The following CLTRN variants were observed in gnomAD, a reference collection of about 807,000 sequenced individuals.
The protein encoded by CLTRN is collectrin, amino acid transport regulator.
In CLTRN, 12 loss-of-function variants were observed where a neutral mutation model predicts 14.5. That is an observed-to-expected ratio of 0.83 (90% CI 0.53 to 1.34). The LOEUF (loss-of-function observed/expected upper bound fraction) is 1.34, where lower values mean the gene tolerates loss of function less well. Among genes scored for constraint, CLTRN ranks in the 40% most tolerant of loss-of-function variants. The probability of loss-of-function intolerance (pLI) is 0.00; values close to 1 mark genes in which losing one functional copy is unlikely to be tolerated. For missense variants in CLTRN, 154 were observed against 165.1 expected (o/e 0.93, Z 0.37); for synonymous variants, 58 against 56.5 (o/e 1.03, Z -0.12).
rs1569251139 is a variant in CLTRN, at chrX:15,645,015, A to AGGACATG, written c.211_217dup (p.Leu73ProfsTer30). On this transcript the variant is annotated frameshift_variant, in exon 4 of 6. Transcript: ENST00000380342. LOFTEE classifies it high-confidence loss of function. Reference sequence around the variant, plus strand: ...TACCCTCTGGGTTACATTGCAAAGTAGGACATGGGAAATTCTGCAGACAGT... The same window carrying AGGACATG: ...TACCCTCTGGGTTACATTGCAAAGTAGGACATGGGACATGGGAAATTCTGCAGACAGT... 2 of 1,189,454 alleles carry AGGACATG rather than the reference A, an allele frequency of 1.7e-6. No individual in the cohort carries two copies. Among genetic ancestry groups the AGGACATG allele is most frequent in the Non-Finnish European group, 2.3e-6 (2 of 881,130 alleles).
chrX:15,661,656 G>A (rs953196806), intron 2 of CLTRN, among the ~76,000 whole-genome samples: 10 of 112,171 alleles, frequency 8.9e-5, no homozygotes, highest in Non-Finnish European at 1.7e-4. Flanking sequence ...CTAAACATTT[G>A]TATACTTTAT....
At position 15,645,037 on chromosome X, in the gene CLTRN, C is replaced by T. The variant is rs764396185; in HGVS notation, c.204-8G>A. The T allele has an allele frequency of 6.9e-5, 76 of 1,107,100 alleles. No homozygotes were observed. The Middle Eastern group carries it at 9.9e-4, about 14-fold the overall frequency. The allele number at this position is 1,107,100 out of a possible 1,213,427, so 91.2% of individuals were successfully genotyped here. A position where few individuals can be genotyped will look rare whatever the true frequency, so the allele number is the denominator to read the frequency against. On this transcript the variant is annotated splice_region_variant and splice_polypyrimidine_tract_variant and intron_variant, in intron 3 of 5. Transcript: ENST00000380342. ...AGTAGGACATGGGAAATTCTGCAGA[C>T]AGTGGAAAGAAAAAATACATGAGAA...
intron 1 of CLTRN, among the ~76,000 whole-genome samples, chrX:15,671,870 A>T (rs1191078283): frequency 1.1e-5 from 1 of 92,667 alleles, no homozygotes; most frequent in Admixed American, 1.3e-4. Flanking sequence ...ACACACACAC[A>T]CACACACACA....
At chrX:15,659,185 T>C (rs1427752075) in intron 2 of CLTRN, 84 bp from the exon 3 acceptor site, 8 of 419,305 alleles carry the variant, frequency 1.9e-5, no homozygotes, top group Non-Finnish European at 3.5e-5. Flanking sequence ...TCCCTCTCTC[T>C]CTCTCTCCAC....
intron 2 of CLTRN, among the ~76,000 whole-genome samples, chrX:15,660,135 G>C (rs771926328): frequency 9.0e-6 from 1 of 111,343 alleles, no homozygotes; most frequent in African/African-American, 3.3e-5. Flanking sequence ...TTTCACTCTG[G>C]GATGGGGAAA....
chrX:15,641,743 A>G (rs1464998531), intron 4 of CLTRN, among the ~76,000 whole-genome samples: 13 of 109,003 alleles, frequency 1.2e-4, no homozygotes, highest in Non-Finnish European at 2.3e-4. Flanking sequence ...TGTCTTTGAA[A>G]TTTGGCTTAT....
In CLTRN at chrX:15,659,037, A is replaced by G. The variant is rs774612873; in HGVS notation, c.182T>C (p.Val61Ala). The change falls in exon 3 of 6, where the codon GTT (valine) becomes GCT (alanine). Residue 61 changes from valine to alanine, a missense_variant. By Grantham distance (64) the Val-to-Ala change is moderately conservative. Transcript: ENST00000380342. ...KAMVAFSMRK[V>A]PNREATEISH... ...TTACTCTGTTGCTTCTCTGTTGGGA[A>G]CTTTTCTCATGGAGAAAGCTACCAT... 8.5e-7 allele frequency: 1 copy of G among 1,171,967 alleles called. No homozygotes were observed. The highest frequency in any genetic ancestry group is 1.8e-5 in the South Asian group (1 of 55,813).
chrX:15,662,813 G>A (rs1166573069), intron 2 of CLTRN, among the ~76,000 whole-genome samples: 1 of 111,016 alleles, frequency 9.0e-6, no homozygotes, highest in East Asian at 2.8e-4. Context: ...GCCTCTCAAC[G>A]GCATTTGATG....
chrX:15,643,310 A>G (rs114367388), intron 4 of CLTRN, among the ~76,000 whole-genome samples: 4,319 of 111,659 alleles, frequency 0.039, 202 homozygotes, highest in African/African-American at 0.12. Flanking sequence ...TTTGTTGTAT[A>G]GTTTCCTTTA....
intron 5 of CLTRN, among the ~76,000 whole-genome samples, chrX:15,635,712 A>G (rs997108729): frequency 4.5e-5 from 5 of 112,114 alleles, no homozygotes; most frequent in Non-Finnish European, 9.4e-5. Flanking sequence ...GCTCCATGAC[A>G]TTGGTCTGGG....
At chrX:15,669,702 G>A (rs1432556585), upstream of CLTRN, among the ~76,000 whole-genome samples, 4 of 111,939 alleles carry the variant, frequency 3.6e-5, no homozygotes, top group East Asian at 2.8e-4. Flanking sequence ...ATACGTGGGC[G>A]TATGTAGGCT....
intron 3 of CLTRN, chrX:15,646,252 C>T (rs778792431): frequency 5.4e-5 from 13 of 240,210 alleles, no homozygotes; most frequent in Non-Finnish European, 1.0e-4. Flanking sequence ...AGACCGTACC[C>T]GGCACATGGC....
chrX:15,659,138 T>C, intron 2 of CLTRN, 37 bp from the exon 3 acceptor site: 1 of 842,725 alleles, frequency 1.2e-6, no homozygotes, highest in Admixed American at 2.3e-5. Context: ...TGGGGGAAAA[T>C]ATGGTCCATT....
chrX:15,664,642 A>G, intron 1 of CLTRN, 76 bp downstream of exon 1: 1 of 970,129 alleles, frequency 1.0e-6, no homozygotes, highest in East Asian at 3.1e-5. Context: ...TAGAAAAATA[A>G]AGAGTTCTTT....
intron 2 of CLTRN, among the ~76,000 whole-genome samples, chrX:15,660,806 C>CCAACAACAAGAACAACAACAACAA (rs1929488637): frequency 9.9e-6 from 1 of 101,401 alleles, no homozygotes; most frequent in Admixed American, 1.1e-4. Context: ...GACCCTGTCT[C>CCAACAACAAGAACAACAACAACAA]CAACAACAAC....
intron 5 of CLTRN, among the ~76,000 whole-genome samples, chrX:15,629,788 C>T (rs1327432728): frequency 1.8e-5 from 2 of 111,476 alleles, no homozygotes; most frequent in African/African-American, 6.5e-5. Flanking sequence ...TAAAAGGACA[C>T]TTGTATTTTG....
chrX:15,667,470 G>C (rs111608093), upstream of CLTRN, among the ~76,000 whole-genome samples: 1 of 111,038 alleles, frequency 9.0e-6, no homozygotes, highest in Non-Finnish European at 1.9e-5. Flanking sequence ...TTTTCAAAAA[G>C]AGCAATAGAA....
chrX:15,652,583 G>A (rs893253164), intron 3 of CLTRN, among the ~76,000 whole-genome samples: 1 of 110,742 alleles, frequency 9.0e-6, no homozygotes, highest in African/African-American at 3.3e-5. Flanking sequence ...AAAGACACTG[G>A]AACACTCGGA....
chrX:15,661,292 G>C (rs1325714993), intron 2 of CLTRN, among the ~76,000 whole-genome samples: 1 of 112,218 alleles, frequency 8.9e-6, no homozygotes, highest in Non-Finnish European at 1.9e-5. Context: ...TTGCTTTTCA[G>C]ATCTTGGGGA....
Sources: allele counts gnomAD v4.1 joint callset (sites outside exome capture counted in the v4.1 genomes callset), GRCh38; gene constraint gnomAD v4.1.1; transcripts MANE v1.5; gene names NCBI Gene and HGNC (gene_info 2026-07-23, HGNC 2026-07-21).